ORM1: variants seen among roughly 807,000 people sequenced by gnomAD.
ORM1 encodes the protein orosomucoid 1.
In ORM1, 13 loss-of-function variants were observed where a neutral mutation model predicts 26.9. That is an observed-to-expected ratio of 0.48 (90% CI 0.31 to 0.77). The LOEUF (loss-of-function observed/expected upper bound fraction) is 0.77. ORM1 is among the 30% of genes least tolerant of loss of function. The pLI is 0.04. For missense variants in ORM1, 189 were observed against 246.8 expected (o/e 0.77, Z 1.57); for synonymous variants, 76 against 102.2 (o/e 0.74, Z 1.55).
chr9:114,324,340 C>A (rs1043565044), intron 3 of ORM1, among the ~76,000 whole-genome samples: 9 of 152,204 alleles, frequency 5.9e-5, no homozygotes, highest in African/African-American at 2.2e-4. Context: ...AGAATTGGAA[C>A]TCCAGGCTGG....
At chr9:114,324,955 C>T (rs1254471704) in intron 4 of ORM1, 58 bp downstream of exon 4, 30 of 1,589,792 alleles carry the variant, frequency 1.9e-5, no homozygotes, top group Non-Finnish European at 2.4e-5. Flanking sequence ...CCCCCATTCA[C>T]CCACCCCTGG....
chr9:114,323,742 C>T lies in ORM1; in HGVS notation c.194C>T (p.Thr65Ile). 6.2e-7 allele frequency: 1 copy of T among 1,613,988 alleles called. No homozygotes were observed. The highest frequency in any genetic ancestry group is 8.5e-7 in the Non-Finnish European group (1 of 1,179,918). The change falls in exon 2 of 6, where the codon ACC becomes ATC. Residue 65 changes from threonine (T) to isoleucine (I), a missense_variant. Physicochemically the swap from Thr to Ile is moderately conservative, Grantham distance 89 (BLOSUM62 -1). Coordinates refer to ENST00000259396, the MANE Select transcript of ORM1 (RefSeq NM_000607.4). ...AAGTCGGTTCAGGAGATCCAAGCAACCTTCTTTTACTTCACCCCCAACAAG... is the reference window on the plus strand; with the variant it reads ...AAGTCGGTTCAGGAGATCCAAGCAATCTTCTTTTACTTCACCCCCAACAAG... ...YNKSVQEIQATFFYFTPNKTE... is the reference protein window; with the variant it reads ...YNKSVQEIQAIFFYFTPNKTE...
At chr9:114,323,981 T>C (rs762746022) in intron 2 of ORM1, 37 bp from the exon 3 acceptor site, 98 of 1,611,278 alleles carry the variant, frequency 6.1e-5, no homozygotes, top group East Asian at 3.1e-4. Context: ...TTCTCAATAA[T>C]CTTCCTGTTT....
rs768551115 is a variant in ORM1 at position 114,323,779 on chromosome 9, G to A, written c.231G>A (p.Thr77=). 12 of 1,613,926 alleles carry A rather than the reference G, an allele frequency of 7.4e-6. No individual in the cohort carries two copies. Among genetic ancestry groups the A allele is most frequent in the East Asian group, 6.7e-5 (3 of 44,858 alleles). Residue 77 remains threonine, a synonymous_variant, in exon 2 of 6, where the codon ACG becomes ACA. Transcript: ENST00000259396. ...TCACCCCCAACAAGACAGAGGACAC[G>A]ATCTTTCTCAGAGAGTACCAGACCC... is the stretch of plus-strand genomic sequence containing the variant. The part of the protein sequence containing the change: ...FYFTPNKTED[T]IFLREYQTRQ...
chr9:114,326,027 G>C (rs1829763533), intron 5 of ORM1, among the ~76,000 whole-genome samples: 1 of 150,524 alleles, frequency 6.6e-6, no homozygotes, highest in Admixed American at 6.6e-5. Context: ...TGCAGCATAA[G>C]GGCTCGGCAG....
Position 114,324,737 on chromosome 9 carries a change from G to A in ORM1, c.329-53G>A, listed in dbSNP as rs1022079506. 7.3e-5 allele frequency: 104 copies of A among 1,434,078 alleles called. No homozygotes were observed. In the Middle Eastern group the frequency reaches 1.9e-3, roughly 27 times the overall value. The allele number at this position is 1,434,078 out of a possible 1,614,324, so 88.8% of individuals were successfully genotyped here. On this transcript the variant is annotated intron_variant, in intron 3 of 5. Coordinates refer to ENST00000259396, the MANE Select transcript of ORM1 (RefSeq NM_000607.4). Reference sequence around the variant, plus strand: ...CCTAGGCCTCCTCACCTGTAAGACAGACACCATTGTGCCATCCCATGTTCT... The same window carrying A: ...CCTAGGCCTCCTCACCTGTAAGACAAACACCATTGTGCCATCCCATGTTCT...
At chr9:114,323,331 C>T (rs184349299) in intron 1 of ORM1, 84 bp downstream of exon 1, 397 of 1,612,022 alleles carry the variant, frequency 2.5e-4, no homozygotes, top group African/African-American at 2.0e-3. Context: ...TGGCTGTGGT[C>T]GGACCCCCAC....
At chr9:114,324,972 C>T (rs567023307) in intron 4 of ORM1, 75 bp downstream of exon 4, 51 of 1,584,152 alleles carry the variant, frequency 3.2e-5, no homozygotes, top group Admixed American at 2.9e-4. Flanking sequence ...CTGGGCTGGC[C>T]CCTAGAACCC....
At chr9:114,324,938 G>T (rs376743116) in intron 4 of ORM1, 41 bp downstream of exon 4, 20 of 1,597,740 alleles carry the variant, frequency 1.3e-5, no homozygotes, top group Middle Eastern at 1.7e-4. Context: ...CCCCTCTCAG[G>T]CCTCACCCCC....
At chr9:114,323,631 G>A in intron 1 of ORM1, 32 bp from the exon 2 acceptor site, 1 of 1,613,960 alleles carries the variant, frequency 6.2e-7, no homozygotes, top group Non-Finnish European at 8.5e-7. Context: ...TCAGCATCAA[G>A]CCCCCATCAC....
chr9:114,323,242 G>C lies in ORM1; in HGVS notation c.109G>C (p.Asp37His), dbSNP rs753771329. 1.3e-6 allele frequency: 2 copies of C among 1,582,880 alleles called. No homozygotes were observed. Among genetic ancestry groups the C allele is most frequent in the Admixed American group, 3.6e-5 (2 of 55,428 alleles). ...VPVPITNATL[D>H]RITGKWFYIA... ...GGTGCCCATCACCAACGCCACCCTG[G>C]ACCGGGTGAGTGCCTGGGCTAGCCC... Residue 37 changes from aspartate to histidine, a missense_variant, in exon 1 of 6, where the codon GAC becomes CAC. Transcript: ENST00000259396.
At chr9:114,325,916 C>A (rs1371088450) in intron 5 of ORM1, among the ~76,000 whole-genome samples, 4 of 152,110 alleles carry the variant, frequency 2.6e-5, no homozygotes, top group African/African-American at 7.3e-5. Context: ...AGCCTGGCAC[C>A]CCCACTGTCT....
chr9:114,324,556 G>A (rs1829737727), intron 3 of ORM1, among the ~76,000 whole-genome samples: 2 of 152,138 alleles, frequency 1.3e-5, no homozygotes, highest in South Asian at 2.1e-4. Context: ...CTGTAAAACG[G>A]AGAAAGGCCC....
rs2636888 is a variant in ORM1 at position 114,323,346 on chromosome 9, G to A, written c.114+99G>A. 8.4e-3 allele frequency: 13,470 copies of A among 1,596,898 alleles called. 26 individuals carry two copies. The highest frequency in any genetic ancestry group is 0.01 in the Non-Finnish European group (11,847 of 1,168,448). ...TGGCTGTGGTCGGACCCCCACTCCC[G>A]GCTCTGCCTTTTTCTCTTCTGGGTC... On this transcript the variant is annotated intron_variant, in intron 1 of 5. Coordinates refer to ENST00000259396, the MANE Select transcript of ORM1 (RefSeq NM_000607.4).
chr9:114,324,152 G>A (rs1454823195), intron 3 of ORM1, 64 bp downstream of exon 3: 23 of 1,465,560 alleles, frequency 1.6e-5, no homozygotes, highest in Non-Finnish European at 2.1e-5. Flanking sequence ...CATAAGGTGG[G>A]GGCTGGATGT....
At chr9:114,325,732 T>A (rs1442649987) in intron 5 of ORM1, among the ~76,000 whole-genome samples, 1 of 152,202 alleles carries the variant, frequency 6.6e-6, no homozygotes, top group African/African-American at 2.4e-5. Context: ...GTTCCAATTT[T>A]TAAAATATAT....
chr9:114,323,892 T>C, intron 2 of ORM1, 87 bp downstream of exon 2: 1 of 1,606,254 alleles, frequency 6.2e-7, no homozygotes, highest in Non-Finnish European at 8.5e-7. Context: ...GCCTTGGCCT[T>C]CCCATGGGTG....
rs771189242 is a variant in ORM1, at chr9:114,323,110, C to T, written c.-24C>T. On this transcript the variant is annotated 5_prime_UTR_variant, in exon 1 of 6. Transcript: ENST00000259396. ...CCCTGCAGCCACCAGCACTGCCTGG[C>T]TCCACGTGCCTCCTGGTCTCAGTAT... 9 of 1,268,638 alleles carry T rather than the reference C, an allele frequency of 7.1e-6. No homozygotes were observed. Among genetic ancestry groups the T allele is most frequent in the African/African-American group, 1.6e-5 (1 of 63,938 alleles). The allele number at this position is 1,268,638 out of a possible 1,614,324, so 78.6% of individuals were successfully genotyped here.
At position 114,324,843 on chromosome 9, in the gene ORM1, T is replaced by C. The variant is rs1564605526; in HGVS notation, c.382T>C (p.Tyr128His). The change falls in exon 4 of 6, where the codon TAC becomes CAC. Residue 128 changes from tyrosine (Y) to histidine (H), a missense_variant. This residue lies in a region of ORM1 where 163 missense variants were observed against 157.7 expected (regional missense o/e 1.03). Transcript: ENST00000259396. Reference protein sequence around the residue: ...HLLILRDTKTYMLAFDVNDEK... With the variant: ...HLLILRDTKTHMLAFDVNDEK... ...GCTGATCCTCAGGGACACCAAGACC[T>C]ACATGCTTGCTTTTGACGTGAACGA... 2 of 1,614,198 alleles carry C rather than the reference T, an allele frequency of 1.2e-6. No homozygotes were observed. Among genetic ancestry groups the C allele is most frequent in the East Asian group, 4.5e-5 (2 of 44,874 alleles).
Sources: allele counts gnomAD v4.1 joint callset (sites outside exome capture counted in the v4.1 genomes callset), GRCh38; gene constraint gnomAD v4.1.1; regional missense constraint gnomAD v4.1.1; transcripts MANE v1.5; gene names NCBI Gene and HGNC (gene_info 2026-07-23, HGNC 2026-07-21).